Variants in DSE observed in about 807,000 individuals in gnomAD.
The protein encoded by DSE is dermatan sulfate epimerase, also known as dermatan-sulfate epimerase.
DSE carries 36 observed loss-of-function variants against 84.4 expected under a neutral mutation model. That is an observed-to-expected ratio of 0.43 (90% CI 0.33 to 0.56). The LOEUF (loss-of-function observed/expected upper bound fraction) is 0.56. DSE is among the 20% of genes least tolerant of loss of function. The probability of loss-of-function intolerance (pLI) is 0.06; values close to 1 mark genes in which losing one functional copy is unlikely to be tolerated. For missense variants in DSE, 862 were observed against 1,169.6 expected (o/e 0.74, Z 3.84); for synonymous variants, 410 against 430.1 (o/e 0.95, Z 0.58).
chr6:116,264,758 T>G (rs186200000), intron 2 of DSE, among the ~76,000 whole-genome samples: 14 of 152,318 alleles, frequency 9.2e-5, no homozygotes, highest in Admixed American at 9.2e-4. Flanking sequence ...TCTTTTATCC[T>G]ATTATATTTG....
chr6:116,330,392 A>G (rs945730121), intron 2 of DSE, among the ~76,000 whole-genome samples: 6 of 152,276 alleles, frequency 3.9e-5, no homozygotes, highest in South Asian at 4.1e-4. Context: ...GCATGCGTCT[A>G]TTCATTTTAA....
In DSE at chr6:116,433,480, C is replaced by T. The variant is rs1277088054; in HGVS notation, c.1048C>T (p.Arg350Cys). ...NWLADQIRRNRVVEGPGTPSK... is the reference protein window; with the variant it reads ...NWLADQIRRNCVVEGPGTPSK... Reference sequence around the variant, plus strand: ...GCTAGCTGACCAAATCAGAAGGAACCGTGTGGTGGAAGGTCCAGGAACACC... The same window carrying T: ...GCTAGCTGACCAAATCAGAAGGAACTGTGTGGTGGAAGGTCCAGGAACACC... Residue 350 changes from arginine (R) to cysteine (C), a missense_variant, in exon 5 of 6, where the codon CGT becomes TGT. By Grantham distance (180) the Arg-to-Cys change is radical. Coordinates refer to ENST00000644252, the MANE Select transcript of DSE (RefSeq NM_013352.4). 3 of 1,559,744 alleles carry T rather than the reference C, an allele frequency of 1.9e-6. No individual in the cohort carries two copies. Among genetic ancestry groups the T allele is most frequent in the African/African-American group, 1.4e-5 (1 of 73,598 alleles).
upstream of DSE, chr6:116,370,612 C>A: frequency 3.7e-6 from 3 of 800,348 alleles, no homozygotes; most frequent in Non-Finnish European, 4.5e-6. Context: ...TTCTCGAACC[C>A]GAAGCGTTTG....
chr6:116,299,555 C>T (rs4270822), intron 2 of DSE, among the ~76,000 whole-genome samples: 1,447 of 26,506 alleles, frequency 0.055, 107 homozygotes, highest in African/African-American at 0.11. Context: ...TATATATACA[C>T]ATACACACAC....
chr6:116,378,454 G>A (rs1780049881), intron 1 of DSE, among the ~76,000 whole-genome samples: 1 of 151,892 alleles, frequency 6.6e-6, no homozygotes. Context: ...TTTCTACTTG[G>A]TATTTTTATA....
chr6:116,436,761 C>T lies in DSE; in HGVS notation c.2293C>T (p.Arg765Trp), dbSNP rs766035826. 8 of 1,613,962 alleles carry T rather than the reference C, an allele frequency of 5.0e-6. No homozygotes were observed. Among genetic ancestry groups the T allele is most frequent in the Middle Eastern group, 1.6e-4 (1 of 6,084 alleles). Residue 765 changes from arginine (R) to tryptophan (W), a missense_variant, in exon 6 of 6, where the codon CGG (arginine) becomes TGG (tryptophan). Around this residue, in one of 4 missense-constraint regions of DSE, gnomAD observed 315 missense variants for 348.1 expected, o/e 0.90. Transcript: ENST00000644252. ...LLEKQILSRV[R>W]NTASFRKTAE... ...GGAGAAGCAGATACTGTCCCGAGTC[C>T]GGAACACAGCTAGCTTTAGGAAGAC... is the stretch of plus-strand genomic sequence containing the variant.
At chr6:116,327,731 A>T (rs552697339) in intron 2 of DSE, among the ~76,000 whole-genome samples, 14 of 152,316 alleles carry the variant, frequency 9.2e-5, no homozygotes, top group African/African-American at 3.4e-4. Flanking sequence ...CTCATTGGCC[A>T]TTCTACATAT....
At chr6:116,278,676 G>T in intron 2 of DSE, 1 of 1,614,156 alleles carries the variant, frequency 6.2e-7, no homozygotes. Flanking sequence ...ACTCTGGAAG[G>T]CTGTGGTCTG....
At chr6:116,304,729 T>C (rs184199416) in intron 2 of DSE, among the ~76,000 whole-genome samples, 97 of 152,314 alleles carry the variant, frequency 6.4e-4, no homozygotes, top group Non-Finnish European at 1.1e-3. Context: ...CCTGGTTGAC[T>C]GACTCAGGGG....
chr6:116,351,483 G>T (rs1400042314), intron 2 of DSE, among the ~76,000 whole-genome samples: 8 of 152,004 alleles, frequency 5.3e-5, no homozygotes, highest in Admixed American at 5.2e-4. Flanking sequence ...CATCTTTATA[G>T]TTGATTATAA....
At chr6:116,329,948 C>T (rs575032408) in intron 2 of DSE, among the ~76,000 whole-genome samples, 135 of 152,248 alleles carry the variant, frequency 8.9e-4, no homozygotes, top group African/African-American at 3.0e-3. Flanking sequence ...CTCAGCCTCC[C>T]GGGTAGCTGG....
intron 1 of DSE, among the ~76,000 whole-genome samples, chr6:116,377,362 G>A (rs769326954): frequency 7.9e-5 from 12 of 152,152 alleles, no homozygotes; most frequent in Non-Finnish European, 1.5e-4. Flanking sequence ...TATTGATGAA[G>A]TACGAAGGCA....
At chr6:116,377,178 C>T (rs1049186715) in intron 1 of DSE, among the ~76,000 whole-genome samples, 4 of 152,144 alleles carry the variant, frequency 2.6e-5, no homozygotes, top group African/African-American at 9.7e-5. Context: ...TTGCTTAAGT[C>T]AGGGCTTTGC....
At chr6:116,270,804 C>A (rs1772846704) in intron 2 of DSE, among the ~76,000 whole-genome samples, 1 of 152,170 alleles carries the variant, frequency 6.6e-6, no homozygotes, top group South Asian at 2.1e-4. Context: ...TTACAAGCTG[C>A]TTCAATATGG....
chr6:116,355,989 G>A (rs1778548525), intron 2 of DSE, among the ~76,000 whole-genome samples: 1 of 152,192 alleles, frequency 6.6e-6, no homozygotes, highest in Admixed American at 6.5e-5. Context: ...ACTATCTGGA[G>A]GATCCCTGAA....
At chr6:116,415,022 G>C (rs962877212) in intron 2 of DSE, among the ~76,000 whole-genome samples, 2 of 152,190 alleles carry the variant, frequency 1.3e-5, no homozygotes, top group Admixed American at 6.5e-5. Context: ...CAGGTCTGCT[G>C]TACAGCCATC....
chr6:116,363,966 A>C (rs768976075), intron 2 of DSE, among the ~76,000 whole-genome samples: 29 of 152,248 alleles, frequency 1.9e-4, no homozygotes, highest in Non-Finnish European at 4.3e-4. Context: ...AGTGAGAAAA[A>C]GAAAATCTGG....
intron 2 of DSE, among the ~76,000 whole-genome samples, chr6:116,302,506 GTTTAA>G (rs753869116): frequency 1.1e-4 from 16 of 151,880 alleles, no homozygotes; most frequent in African/African-American, 2.4e-4. Flanking sequence ...TTGTAAATTT[GTTTAA>G]TTTAAGTTCC....
In DSE at chr6:116,280,055, A is replaced by C. The variant is rs1010243572; in HGVS notation, c.-54+21088A>C. On this transcript the variant is annotated intron_variant, in intron 2 of 3. Coordinates refer to the DSE transcript ENST00000430252. ...GATTCTCTGGGCTTTATTTCTGTGA[A>C]TTTACCCATAGCAACAGTAATTTTA... 1.4e-5 allele frequency: 9 copies of C among 648,692 alleles called. No individual in the cohort carries two copies. In the African/African-American group the frequency reaches 1.5e-4, roughly 11 times the overall value. 40.2% of individuals were successfully genotyped at this position (648,692 alleles called of 1,614,324 possible). A position where few individuals can be genotyped will look rare whatever the true frequency, so the allele number is the denominator to read the frequency against.
Sources: allele counts gnomAD v4.1 joint callset (sites outside exome capture counted in the v4.1 genomes callset), GRCh38; gene constraint gnomAD v4.1.1; regional missense constraint gnomAD v4.1.1; transcripts MANE v1.5; gene names NCBI Gene and HGNC (gene_info 2026-07-23, HGNC 2026-07-21).